The following ASZ1 variants were observed in gnomAD, a reference collection of about 807,000 sequenced individuals.
ASZ1 encodes the protein ankyrin repeat, SAM and basic leucine zipper domain-containing protein 1.
Under a neutral mutation model 61.8 loss-of-function variants are expected in ASZ1, and 67 were observed. That is an observed-to-expected ratio of 1.08 (90% CI 0.89 to 1.33). ASZ1 has a LOEUF of 1.33. ASZ1 is among the 40% of genes most tolerant of loss of function. The pLI, the probability that ASZ1 is intolerant of heterozygous loss-of-function variation, is 0.00. For missense variants in ASZ1, 577 were observed against 554.5 expected (o/e 1.04, Z -0.41); for synonymous variants, 193 against 192.7 (o/e 1.00, Z -0.01).
chr7:117,395,399 A>G (rs1185730934), intron 4 of ASZ1, among the ~76,000 whole-genome samples: 1 of 152,112 alleles, frequency 6.6e-6, no homozygotes, highest in Non-Finnish European at 1.5e-5. Flanking sequence ...ATCAAGTCAA[A>G]ACAATCTGTT....
At chr7:117,377,113 T>TG (rs1358154673) in intron 10 of ASZ1, among the ~76,000 whole-genome samples, 1 of 151,982 alleles carries the variant, frequency 6.6e-6, no homozygotes, top group African/African-American at 2.4e-5. Context: ...CAATTGCACA[T>TG]GGAAACAAAT....
At chr7:117,402,541 C>A (rs186026835) in intron 4 of ASZ1, among the ~76,000 whole-genome samples, 2 of 152,244 alleles carry the variant, frequency 1.3e-5, no homozygotes, top group African/African-American at 4.8e-5. Flanking sequence ...ACAAGGTTGT[C>A]CCTGTACTAG....
At chr7:117,376,611 A>T (rs1438355874) in intron 10 of ASZ1, among the ~76,000 whole-genome samples, 1 of 152,182 alleles carries the variant, frequency 6.6e-6, no homozygotes, top group Non-Finnish European at 1.5e-5. Context: ...ACATGGGATT[A>T]ATCCAGGTAT....
At chr7:117,391,037 GAT>G (rs1796456946) in intron 4 of ASZ1, among the ~76,000 whole-genome samples, 2 of 152,034 alleles carry the variant, frequency 1.3e-5, no homozygotes, top group Admixed American at 6.6e-5. Context: ...AAGGGTGTGA[GAT>G]GGTACCTCAT....
chr7:117,389,254 G>T (rs1291580249), intron 4 of ASZ1, among the ~76,000 whole-genome samples: 2 of 151,756 alleles, frequency 1.3e-5, no homozygotes, highest in Non-Finnish European at 2.9e-5. Flanking sequence ...ATGAGGTTTG[G>T]TCTTCTATTA....
rs1339645222 is a variant in ASZ1 at position 117,422,324 on chromosome 7, T to A, written c.241A>T (p.Thr81Ser). 1 of 1,613,476 alleles carries A rather than the reference T, an allele frequency of 6.2e-7. No homozygotes were observed. The highest frequency in any genetic ancestry group is 1.7e-5 in the Admixed American group (1 of 59,956). ...ACACTAGCAGCATACATAAGGGGAGTCCATCCATACTGAAAGTTGGAATCT... is the reference window on the plus strand; with the variant it reads ...ACACTAGCAGCATACATAAGGGGAGACCATCCATACTGAAAGTTGGAATCT... ...SVDSNFQYGW[T>S]PLMYAASVAN... Residue 81 changes from threonine (T) to serine (S), a missense_variant, in exon 3 of 13, where the codon ACT (threonine) becomes TCT (serine). Physicochemically the swap from Thr to Ser is moderately conservative, Grantham distance 58 (BLOSUM62 1). Transcript: ENST00000284629.
intron 7 of ASZ1, 127 bp from the exon 8 acceptor site, chr7:117,382,271 C>T (rs1484874654): frequency 3.1e-6 from 2 of 638,556 alleles, no homozygotes; most frequent in Non-Finnish European, 5.5e-6. Context: ...GCAATCTGCA[C>T]ACCAGACCTA....
intron 6 of ASZ1, among the ~76,000 whole-genome samples, chr7:117,383,315 G>A (rs1281049114): frequency 6.6e-6 from 1 of 151,904 alleles, no homozygotes; most frequent in Admixed American, 6.6e-5. Flanking sequence ...GGGTACATGC[G>A]ATATTTTGAT....
At chr7:117,427,156 C>T (rs1031030953) in intron 1 of ASZ1, among the ~76,000 whole-genome samples, 200 bp downstream of exon 1, 2 of 152,086 alleles carry the variant, frequency 1.3e-5, no homozygotes. Context: ...CCTAAAGAAG[C>T]GTATTTGGTG....
intron 4 of ASZ1, among the ~76,000 whole-genome samples, chr7:117,413,686 A>G (rs1266526301): frequency 3.3e-5 from 5 of 152,072 alleles, no homozygotes; most frequent in Non-Finnish European, 7.4e-5. Flanking sequence ...AAAAATAATA[A>G]AAGAACAAAG....
chr7:117,383,462 T>A (rs1418382032), intron 6 of ASZ1, among the ~76,000 whole-genome samples: 3 of 151,980 alleles, frequency 2.0e-5, no homozygotes, highest in Non-Finnish European at 4.4e-5. Flanking sequence ...TAATTAATAT[T>A]TTTGGTAAGA....
intron 2 of ASZ1, among the ~76,000 whole-genome samples, chr7:117,423,723 G>A (rs1156393354): frequency 2.0e-5 from 3 of 149,348 alleles, no homozygotes; most frequent in Non-Finnish European, 3.0e-5. Context: ...TTAGCCAGGC[G>A]TGGTGGTGGG....
intron 4 of ASZ1, among the ~76,000 whole-genome samples, chr7:117,397,710 C>T (rs1796603075): frequency 6.6e-6 from 1 of 152,182 alleles, no homozygotes; most frequent in South Asian, 2.1e-4. Flanking sequence ...ATGCTAACTT[C>T]CTAAAGCAGG....
intron 10 of ASZ1, among the ~76,000 whole-genome samples, chr7:117,373,279 G>GC (rs1396653904): frequency 1.3e-5 from 2 of 151,952 alleles, no homozygotes; most frequent in East Asian, 3.9e-4. Context: ...TTGCTATGTT[G>GC]CCAAGGCTGG....
At chr7:117,395,029 C>T (rs941901893) in intron 4 of ASZ1, among the ~76,000 whole-genome samples, 28 of 152,292 alleles carry the variant, frequency 1.8e-4, no homozygotes, top group African/African-American at 6.7e-4. Flanking sequence ...TTTCATGACA[C>T]CTACATTCTT....
intron 7 of ASZ1, 108 bp downstream of exon 7, chr7:117,382,876 TAA>T: frequency 8.5e-7 from 1 of 1,175,786 alleles, no homozygotes; most frequent in Admixed American, 3.8e-5. Flanking sequence ...AAAATGCTTG[TAA>T]ACATTTAAAA....
rs1316770371 is a variant in ASZ1, at chr7:117,404,124, A to G, written c.440+16039T>C. On this transcript the variant is annotated intron_variant, in intron 4 of 12. Coordinates refer to ENST00000284629, the MANE Select transcript of ASZ1 (RefSeq NM_130768.3). ...CAGTCTATTTTTAGGTGACCTATAT[A>G]TAGTTTTTATATGAGGCCTCTGGTC... Among the ~76,000 whole-genome samples the G allele has an allele frequency of 2.6e-5, 4 of 152,204 alleles. No individual in the cohort carries two copies. In the East Asian group the frequency reaches 7.7e-4, roughly 29 times the overall value.
intron 7 of ASZ1, 82 bp downstream of exon 7, chr7:117,382,904 A>G: frequency 7.6e-7 from 1 of 1,316,818 alleles, no homozygotes; most frequent in Non-Finnish European, 1.0e-6. Context: ...TATATTTTAA[A>G]TAAGTCACCA....
chr7:117,370,874 G>T (rs1194569395), intron 10 of ASZ1, among the ~76,000 whole-genome samples: 1 of 148,778 alleles, frequency 6.7e-6, no homozygotes, highest in East Asian at 2.0e-4. Context: ...CTGTTGCCCA[G>T]GCTGGAGTGC....
Sources: allele counts gnomAD v4.1 joint callset (sites outside exome capture counted in the v4.1 genomes callset), GRCh38; gene constraint gnomAD v4.1.1; transcripts MANE v1.5; gene names NCBI Gene and HGNC (gene_info 2026-07-23, HGNC 2026-07-21).